The following EIF2AK1 variants were observed in gnomAD, a reference collection of about 807,000 sequenced individuals.
The protein encoded by EIF2AK1 is eukaryotic translation initiation factor 2 alpha kinase 1.
EIF2AK1 carries 54 observed loss-of-function variants against 77.9 expected under a neutral mutation model. That is an observed-to-expected ratio of 0.69 (90% CI 0.56 to 0.87). The LOEUF is 0.87. EIF2AK1 is among the 40% of genes least tolerant of loss of function. EIF2AK1 has a pLI of 0.00. For missense variants in EIF2AK1, 810 were observed against 768.6 expected, an observed-to-expected ratio of 1.05 and a Z score of -0.64; for synonymous variants, 314 against 290.5, an observed-to-expected ratio of 1.08 and a Z score of -0.82.
chr7:6,031,690 A>G (rs1787918161), intron 11 of EIF2AK1: 2 of 1,168,970 alleles, frequency 1.7e-6, no homozygotes. Flanking sequence ...CACGGCCCTT[A>G]TGAGAATGAG....
Position 6,057,019 on chromosome 7 carries a change from A to C in EIF2AK1, c.118+1947T>G, listed in dbSNP as rs532939604. ...TCAAAAATCATAGGCTTGGCTGGGC[A>C]CAGTGGCTCACGCCTACAATCCTAG... On this transcript the variant is annotated intron_variant, in intron 1 of 14. Coordinates refer to ENST00000199389, the MANE Select transcript of EIF2AK1 (RefSeq NM_014413.4). Among the ~76,000 whole-genome samples, 6 of 151,914 alleles carry C rather than the reference A, an allele frequency of 3.9e-5. No homozygotes were observed. The East Asian group carries it at 1.2e-3, about 29-fold the overall frequency.
At chr7:6,034,463 C>T (rs1051358067) in intron 11 of EIF2AK1, among the ~76,000 whole-genome samples, 40 of 152,082 alleles carry the variant, frequency 2.6e-4, no homozygotes, top group African/African-American at 9.2e-4. Context: ...ATCACAGACT[C>T]GCCCCATTCT....
chr7:6,037,180 G>A (rs1411991346), intron 11 of EIF2AK1, among the ~76,000 whole-genome samples: 1 of 151,712 alleles, frequency 6.6e-6, no homozygotes, highest in African/African-American at 2.4e-5. Flanking sequence ...GCAGTGAGCT[G>A]TAATCGTGCC....
chr7:6,026,670 CAA>C, intron 14 of EIF2AK1, 56 bp downstream of exon 14: 1 of 1,421,348 alleles, frequency 7.0e-7, no homozygotes, highest in Admixed American at 1.7e-5. Flanking sequence ...CTTCCTTCCC[CAA>C]GAGAGGCAAT....
intron 8 of EIF2AK1, 107 bp from the exon 9 acceptor site, chr7:6,041,326 G>T: frequency 8.5e-7 from 1 of 1,170,846 alleles, no homozygotes; most frequent in Non-Finnish European, 1.2e-6. Flanking sequence ...ATCACTTAAG[G>T]TCAGGAGTTG....
At chr7:6,034,308 AAATAAT>A (rs1008114156) in intron 11 of EIF2AK1, among the ~76,000 whole-genome samples, 1 of 151,864 alleles carries the variant, frequency 6.6e-6, no homozygotes, top group African/African-American at 2.4e-5. Context: ...CTCCATCTCA[AAATAAT>A]AATAATAATA....
intron 5 of EIF2AK1, chr7:6,046,501 C>T (rs558719169): frequency 3.0e-4 from 51 of 167,928 alleles, no homozygotes; most frequent in African/African-American, 9.7e-4. Context: ...ACAATCAACA[C>T]GGTTAGAAAA....
chr7:6,024,713 TTGTC>T lies in EIF2AK1; in HGVS notation c.1849_1852del (p.Asp617LysfsTer3). ...ATCCTTTCCGTCATCCCTCACCCCT[TTGTC>T]TTGAGAAAGGAGGTTTAGCTGCTTC... On this transcript the variant is annotated frameshift_variant, in exon 15 of 15. Transcript: ENST00000199389. LOFTEE classifies it low-confidence loss of function (END_TRUNC). The T allele has an allele frequency of 6.2e-7, 1 of 1,609,850 alleles. No homozygotes were observed. Among genetic ancestry groups the T allele is most frequent in the Non-Finnish European group, 8.5e-7 (1 of 1,178,914 alleles).
intron 2 of EIF2AK1, among the ~76,000 whole-genome samples, chr7:6,052,946 G>C (rs190639774): frequency 6.6e-6 from 1 of 151,498 alleles, no homozygotes; most frequent in African/African-American, 2.4e-5. Context: ...CTGGGCAACA[G>C]AGTGAGACTC....
At chr7:6,046,041 T>A (rs1231171253) in intron 6 of EIF2AK1, 30 bp downstream of exon 6, 35 of 1,395,116 alleles carry the variant, frequency 2.5e-5, no homozygotes, top group Non-Finnish European at 3.3e-5. Context: ...TACACAATTA[T>A]TCAAAATAAG....
At chr7:6,050,244 A>T (rs1788568991) in intron 2 of EIF2AK1, among the ~76,000 whole-genome samples, 199 bp from the exon 3 acceptor site, 1 of 152,190 alleles carries the variant, frequency 6.6e-6, no homozygotes, top group African/African-American at 2.4e-5. Flanking sequence ...TGAGACAGAG[A>T]GTGCAGTGAC....
intron 11 of EIF2AK1, chr7:6,031,658 A>C: frequency 6.7e-7 from 1 of 1,484,458 alleles, no homozygotes; most frequent in Non-Finnish European, 9.2e-7. Flanking sequence ...GCATGATCTA[A>C]AGCTGGTGAA....
In EIF2AK1 at chr7:6,035,779, T is replaced by C. The variant is rs934769572; in HGVS notation, c.1332+1645A>G. On this transcript the variant is annotated intron_variant, in intron 11 of 14. Coordinates refer to ENST00000199389, the MANE Select transcript of EIF2AK1 (RefSeq NM_014413.4). The surrounding 1 kb of genome is among the most constrained non-coding windows in gnomAD (Gnocchi z 5.5). Reference sequence around the variant, plus strand: ...GCAAACATGCTGAATAAGGAGATGATGGAAACGCTCATTGCCTATGGAGCA... The same window carrying C: ...GCAAACATGCTGAATAAGGAGATGACGGAAACGCTCATTGCCTATGGAGCA... 11 of 1,551,018 alleles carry C rather than the reference T, an allele frequency of 7.1e-6. No homozygotes were observed. The highest frequency in any genetic ancestry group is 9.6e-6 in the Non-Finnish European group (11 of 1,147,130).
intron 4 of EIF2AK1, 36 bp from the exon 5 acceptor site, chr7:6,047,127 T>A (rs1788468792): frequency 1.3e-6 from 2 of 1,579,074 alleles, no homozygotes; most frequent in Non-Finnish European, 1.7e-6. Flanking sequence ...TATTAAAACA[T>A]GAGAGAATCA....
chr7:6,028,727 T>A (rs776063827), intron 12 of EIF2AK1, 30 bp from the exon 13 acceptor site: 6 of 1,601,794 alleles, frequency 3.7e-6, no homozygotes, highest in Non-Finnish European at 5.1e-6. Context: ...ATATTAAACA[T>A]TGCAGTTAGC....
At chr7:6,056,780 C>T (rs1343308585) in intron 1 of EIF2AK1, among the ~76,000 whole-genome samples, 1 of 151,156 alleles carries the variant, frequency 6.6e-6, no homozygotes, top group Non-Finnish European at 1.5e-5. Flanking sequence ...TTTGCAGAAA[C>T]CCTTATCACA....
Position 6,041,080 on chromosome 7 carries a change from A to C in EIF2AK1, c.931T>G (p.Leu311Val), listed in dbSNP as rs185195831. 1.9e-6 allele frequency: 3 copies of C among 1,614,106 alleles called. No individual in the cohort carries two copies. The African/African-American group carries it at 4.0e-5, about 22-fold the overall frequency. The part of the protein sequence containing the change: ...NNKSVKYTTN[L>V]VIRESGELES... ...AGTTCACCAGATTCTCTTATGACTAAATTGGTGGTGTACTTCACCGACTTG... is the reference window on the plus strand; with the variant it reads ...AGTTCACCAGATTCTCTTATGACTACATTGGTGGTGTACTTCACCGACTTG... Residue 311 changes from leucine (L) to valine (V), a missense_variant, in exon 9 of 15, where the codon TTA becomes GTA. By Grantham distance (32) the Leu-to-Val change is conservative. Transcript: ENST00000199389.
At chr7:6,026,385 G>A (rs750348575) in intron 14 of EIF2AK1, 10 of 503,934 alleles carry the variant, frequency 2.0e-5, no homozygotes, top group East Asian at 1.2e-4. Context: ...GGGCCCCTCC[G>A]GCCTTTCCGG....
chr7:6,052,441 A>C (rs1788632903), intron 2 of EIF2AK1, among the ~76,000 whole-genome samples: 1 of 151,798 alleles, frequency 6.6e-6, no homozygotes, highest in Non-Finnish European at 1.5e-5. Context: ...TTTATTCAAG[A>C]AGCAGTAGGT....
Sources: allele counts gnomAD v4.1 joint callset (sites outside exome capture counted in the v4.1 genomes callset), GRCh38; gene constraint gnomAD v4.1.1; non-coding constraint Gnocchi (gnomAD v3.1); transcripts MANE v1.5; gene names NCBI Gene and HGNC (gene_info 2026-07-23, HGNC 2026-07-21).